ETHE1: variants seen among roughly 807,000 people sequenced by gnomAD.
ETHE1 encodes the protein persulfide dioxygenase ETHE1, mitochondrial.
A neutral mutation model predicts 25.7 loss-of-function variants in ETHE1; 16 were observed. The observed-to-expected ratio is 0.62, with a 90% CI of 0.42 to 0.95. The LOEUF (loss-of-function observed/expected upper bound fraction) is 0.95, where lower values mean the gene tolerates loss of function less well. Ranked by LOEUF, ETHE1 falls within the 40% of genes least tolerant of loss-of-function variation. ETHE1 has a pLI of 0.00. For missense variants in ETHE1, 300 were observed against 333.6 expected, an observed-to-expected ratio of 0.90 and a Z score of 0.79; for synonymous variants, 139 against 135.9, an observed-to-expected ratio of 1.02 and a Z score of -0.16.
chr19:43,526,630 C>T lies in ETHE1; in HGVS notation c.111G>A (p.Thr37=), dbSNP rs1177796535. 3.7e-6 allele frequency: 6 copies of T among 1,614,020 alleles called. No individual in the cohort carries two copies. Among genetic ancestry groups the T allele is most frequent in the Non-Finnish European group, 5.1e-6 (6 of 1,179,998 alleles). The part of the protein sequence containing the change: ...QMFEPVSCTF[T]YLLGDRESRE... ...GGGACTCTCTGTCACCCAGCAGGTACGTGAAGGTGCAGCTCACAGGCTCGA... is the reference window on the plus strand; with the variant it reads ...GGGACTCTCTGTCACCCAGCAGGTATGTGAAGGTGCAGCTCACAGGCTCGA... Residue 37 remains threonine, a synonymous_variant, in exon 2 of 7, where the codon ACG becomes ACA. Transcript: ENST00000292147.
At chr19:43,514,456 C>CTT (rs773613215) in intron 3 of ETHE1, among the ~76,000 whole-genome samples, 4 of 142,640 alleles carry the variant, frequency 2.8e-5, no homozygotes, top group Non-Finnish European at 4.6e-5. Flanking sequence ...ACCCCTTTTT[C>CTT]TTTATAAATG....
intron 3 of ETHE1, among the ~76,000 whole-genome samples, chr19:43,522,516 A>T (rs1972156306): frequency 6.6e-6 from 1 of 151,918 alleles, no homozygotes; most frequent in African/African-American, 2.4e-5. Context: ...TGCTCTTGTC[A>T]CTCATGCTGG....
chr19:43,524,879 G>C (rs4803640), intron 3 of ETHE1, among the ~76,000 whole-genome samples: 76,021 of 151,788 alleles, frequency 0.5, 19,091 homozygotes, highest in East Asian at 0.59. Flanking sequence ...AGCACTTTCA[G>C]AAGCCCTGTA....
rs200319834 is a variant in ETHE1, at chr19:43,507,898, G to T, written c.712+46C>A. Reference sequence around the variant, plus strand: ...TCAGACCCAGGAGTCCAAGACCCCAGCCCCTCCTCTCTCAGACCCAGAAGT... The same window carrying T: ...TCAGACCCAGGAGTCCAAGACCCCATCCCCTCCTCTCTCAGACCCAGAAGT... On this transcript the variant is annotated intron_variant, in intron 6 of 6. Transcript: ENST00000292147. 3.3e-4 allele frequency: 532 copies of T among 1,592,684 alleles called. 1 individual carries two copies. Among genetic ancestry groups the T allele is most frequent in the Non-Finnish European group, 4.1e-4 (477 of 1,166,906 alleles).
rs770274819 is a variant in ETHE1, at chr19:43,526,679, G to A, written c.82-20C>T. 4 of 1,612,602 alleles carry A rather than the reference G, an allele frequency of 2.5e-6. No individual in the cohort carries two copies. Among genetic ancestry groups the A allele is most frequent in the Admixed American group, 1.7e-5 (1 of 60,000 alleles). ...GAACATCTGGGAACGGGGGACCCAG[G>A]TGAGGGCGCAGAACCGGACTTCCAC... On this transcript the variant is annotated intron_variant, in intron 1 of 6. Transcript: ENST00000292147.
chr19:43,515,856 G>A lies in ETHE1; in HGVS notation c.376-4290C>T, dbSNP rs141533753. Among the ~76,000 whole-genome samples the A allele has an allele frequency of 3.6e-3, 548 of 152,194 alleles. 4 individuals are homozygous for A. The highest frequency in any genetic ancestry group is 0.012 in the African/African-American group (515 of 41,532). ...CTCCCAAAGTGCTGGGATTACAGGC[G>A]TGAGCCACCGTGACCGGCCAATCTA... On this transcript the variant is annotated intron_variant, in intron 3 of 6. Transcript: ENST00000292147.
intron 3 of ETHE1, among the ~76,000 whole-genome samples, chr19:43,517,234 G>C (rs1444905578): frequency 1.3e-5 from 2 of 150,278 alleles, no homozygotes; most frequent in African/African-American, 2.5e-5. Flanking sequence ...CAACACTCTT[G>C]TATAAAATAC....
In ETHE1 at chr19:43,520,587, G is replaced by A. The variant is rs140660175; in HGVS notation, c.375+5614C>T. Among the ~76,000 whole-genome samples, 759 of 152,056 alleles carry A rather than the reference G, an allele frequency of 5.0e-3. 2 individuals are homozygous for A. Among genetic ancestry groups the A allele is most frequent in the African/African-American group, 0.018 (741 of 41,468 alleles). ...GTGGTGGTGCACACCTGTAGTTCCA[G>A]CTATTTGGAAGCCTGAGGCAGGAGG... On this transcript the variant is annotated intron_variant, in intron 3 of 6. Transcript: ENST00000292147.
intron 3 of ETHE1, chr19:43,525,897 A>G (rs1972233102): frequency 2.2e-6 from 1 of 449,412 alleles, no homozygotes; most frequent in South Asian, 2.2e-5. Context: ...CCAGCCCCTA[A>G]TCAACTTTTA....
chr19:43,526,762 G>C, intron 1 of ETHE1, 103 bp from the exon 2 acceptor site: 4 of 1,577,828 alleles, frequency 2.5e-6, no homozygotes, highest in Non-Finnish European at 3.4e-6. Context: ...TCCAGAAGCA[G>C]AAACCCCAGC....
At chr19:43,525,738 C>T (rs1271539465) in intron 3 of ETHE1, 2 of 226,160 alleles carry the variant, frequency 8.8e-6, no homozygotes, top group South Asian at 1.2e-4. Context: ...AGAGCGAGTG[C>T]CTCCTTAAAT....
At chr19:43,510,307 C>T (rs980713008) in intron 4 of ETHE1, among the ~76,000 whole-genome samples, 22 of 152,082 alleles carry the variant, frequency 1.4e-4, no homozygotes, top group Admixed American at 2.6e-4. Flanking sequence ...GCAATTAAAC[C>T]GCTGGCTTTA....
chr19:43,522,568 C>T (rs559895728), intron 3 of ETHE1, among the ~76,000 whole-genome samples: 1 of 152,256 alleles, frequency 6.6e-6, no homozygotes, highest in South Asian at 2.1e-4. Flanking sequence ...CCTCCACCTC[C>T]CGGGGGAGGT....
At chr19:43,516,623 CTTTTTTTT>C (rs71169249) in intron 3 of ETHE1, among the ~76,000 whole-genome samples, 29 of 110,172 alleles carry the variant, frequency 2.6e-4, no homozygotes, top group African/African-American at 7.8e-4. Flanking sequence ...TTCTTTTTTT[CTTTTTTTT>C]TTTTTTTTTT....
chr19:43,511,608 C>T (rs749796918), intron 3 of ETHE1, 42 bp from the exon 4 acceptor site: 57 of 1,602,956 alleles, frequency 3.6e-5, no homozygotes, highest in Non-Finnish European at 4.2e-5. Flanking sequence ...ACCAAGAAGC[C>T]TTCTAGATGA....
At chr19:43,517,681 C>A (rs1311075585) in intron 3 of ETHE1, among the ~76,000 whole-genome samples, 1 of 151,496 alleles carries the variant, frequency 6.6e-6, no homozygotes. Context: ...GAGGCTGAGG[C>A]AGGAGAATTG....
intron 3 of ETHE1, among the ~76,000 whole-genome samples, chr19:43,512,649 T>C (rs114041157): frequency 1.2e-3 from 180 of 152,306 alleles, no homozygotes; most frequent in African/African-American, 4.1e-3. Context: ...TTCAGTTTTA[T>C]GTATTCACAA....
At position 43,523,340 on chromosome 19, in the gene ETHE1, G is replaced by A. The variant is rs142698333; in HGVS notation, c.375+2861C>T. ...GGCTGGAGTGCAGTGGTGCGATCTT[G>A]GCTCACTGCAACCTCTGCCTCCCGG... is the stretch of plus-strand genomic sequence containing the variant. On this transcript the variant is annotated intron_variant, in intron 3 of 6. Transcript: ENST00000292147. 6.2e-3 allele frequency among the ~76,000 whole-genome samples: 946 copies of A among 152,162 alleles called. 6 individuals carry two copies. Among genetic ancestry groups the A allele is most frequent in the African/African-American group, 0.022 (918 of 41,520 alleles).
chr19:43,508,780 T>G lies in ETHE1; in HGVS notation c.590A>C (p.Tyr197Ser). The G allele has an allele frequency of 1.2e-6, 2 of 1,600,484 alleles. No individual in the cohort carries two copies. Among genetic ancestry groups the G allele is most frequent in the South Asian group, 2.3e-5 (2 of 88,302 alleles). Residue 197 changes from tyrosine to serine, a missense_variant, in exon 5 of 7, where the codon TAC becomes TCC. Tyr to Ser is a moderately radical substitution (Grantham distance 144). Transcript: ENST00000292147. Reference sequence around the variant, plus strand: ...CTCTTCCAGGAAGCCCTCACCATGGTAATCGTGAGCAGGGTAGATCAGACA... The same window carrying G: ...CTCTTCCAGGAAGCCCTCACCATGGGAATCGTGAGCAGGGTAGATCAGACA... ...GDCLIYPAHD[Y>S]HGFTVSTVEE...
Sources: gnomAD v4.1 joint callset for allele counts (sites outside exome capture counted in the v4.1 genomes callset) on GRCh38, gnomAD v4.1.1 for gene constraint, MANE v1.5 for transcripts, NCBI Gene and HGNC (gene_info 2026-07-23, HGNC 2026-07-21) for gene names.